Variants in PREX2 observed in about 807,000 individuals in gnomAD.
PREX2 encodes the protein phosphatidylinositol-3,4,5-trisphosphate dependent Rac exchange factor 2, also known as phosphatidylinositol 3,4,5-trisphosphate-dependent Rac exchanger 2 protein.
In PREX2, 107 loss-of-function variants were observed where a neutral mutation model predicts 203.2. The ratio of observed to expected loss-of-function variants is 0.53; its 90% CI spans 0.45 to 0.62. PREX2 has a LOEUF of 0.62. Among genes scored for constraint, PREX2 ranks in the 20% least tolerant of loss-of-function variants. The pLI, the probability that PREX2 is intolerant of heterozygous loss-of-function variation, is 0.00. For synonymous variants in PREX2, 672 were observed against 663.6 expected, an observed-to-expected ratio of 1.01 and a Z score of -0.19; for missense variants, 1,777 against 1,955.9, an observed-to-expected ratio of 0.91 and a Z score of 1.72.
intron 35 of PREX2, among the ~76,000 whole-genome samples, chr8:68,187,907 G>C (rs543978999): frequency 2.3e-3 from 344 of 152,296 alleles, no homozygotes; most frequent in Non-Finnish European, 3.5e-3. Flanking sequence ...GTGGACAGAG[G>C]GGGCTGGGAC....
At chr8:68,062,737 T>G (rs1435914188) in intron 11 of PREX2, among the ~76,000 whole-genome samples, 1 of 142,290 alleles carries the variant, frequency 7.0e-6, no homozygotes, top group Non-Finnish European at 1.5e-5. Context: ...GTGATTCCAA[T>G]GTCCTATTTT....
chr8:68,041,753 G>A (rs1474373867), intron 7 of PREX2, among the ~76,000 whole-genome samples: 1 of 151,944 alleles, frequency 6.6e-6, no homozygotes, highest in South Asian at 2.1e-4. Context: ...GTGTTTTAGT[G>A]CAATTATTAA....
At chr8:68,129,197 A>G (rs537934231) in intron 31 of PREX2, among the ~76,000 whole-genome samples, 1 of 152,338 alleles carries the variant, frequency 6.6e-6, no homozygotes, top group African/African-American at 2.4e-5. Flanking sequence ...AGGCATATTG[A>G]TGCCTTATTG....
chr8:67,976,758 CAG>C (rs538917016), intron 1 of PREX2, among the ~76,000 whole-genome samples: 6,285 of 73,354 alleles, frequency 0.086, 824 homozygotes, highest in African/African-American at 0.21. Flanking sequence ...GCGAGAGAGA[CAG>C]AGAGAGAGAG....
intron 1 of PREX2, among the ~76,000 whole-genome samples, chr8:67,983,453 T>G (rs1044994004): frequency 2.0e-5 from 3 of 152,222 alleles, no homozygotes; most frequent in African/African-American, 4.8e-5. Flanking sequence ...GTTATCAGAA[T>G]AGCCTCCTAA....
chr8:68,080,563 A>G lies in PREX2; in HGVS notation c.1763A>G (p.Asn588Ser). ...LMKHDLKVVE[N>S]VIAKSLLIKS... The stretch of plus-strand genomic sequence containing the variant: ...AAACATGACTTAAAAGTTGTGGAAA[A>G]TGTTATAGCTAAGTCATTATTGGTA... Residue 588 changes from asparagine (N) to serine (S), a missense_variant, in exon 16 of 40, where the codon AAT becomes AGT. Physicochemically the swap from Asn to Ser is conservative, Grantham distance 46. Coordinates refer to ENST00000288368, the MANE Select transcript of PREX2 (RefSeq NM_024870.4). 2.5e-6 allele frequency: 4 copies of G among 1,606,790 alleles called. No homozygotes were observed. Among genetic ancestry groups the G allele is most frequent in the Non-Finnish European group, 3.4e-6 (4 of 1,174,446 alleles).
chr8:68,100,992 G>A (rs145378307), intron 23 of PREX2, among the ~76,000 whole-genome samples: 40 of 152,128 alleles, frequency 2.6e-4, no homozygotes, highest in African/African-American at 9.6e-4. Context: ...TAGAATTAAT[G>A]GGAATTCATC....
intron 32 of PREX2, among the ~76,000 whole-genome samples, chr8:68,136,254 C>T (rs548221038): frequency 2.7e-5 from 4 of 149,140 alleles, no homozygotes; most frequent in African/African-American, 4.9e-5. Context: ...CTCAATGAAG[C>T]GGTGTGGTTT....
chr8:68,092,315 A>T (rs1809900956), intron 20 of PREX2, among the ~76,000 whole-genome samples: 1 of 152,228 alleles, frequency 6.6e-6, no homozygotes, highest in Admixed American at 6.5e-5. Flanking sequence ...GGGCACCAAG[A>T]TGTAATGGAA....
In PREX2 at chr8:68,207,427, G is replaced by C. The variant is rs540713372; in HGVS notation, c.4605-10189G>C. On this transcript the variant is annotated intron_variant, in intron 37 of 39. Transcript: ENST00000288368. ...AAATAAATAAATCTAGTCTTTTAGGGGCATGGATATAATATCATTGGCACA... is the reference window on the plus strand; with the variant it reads ...AAATAAATAAATCTAGTCTTTTAGGCGCATGGATATAATATCATTGGCACA... Among the ~76,000 whole-genome samples the C allele has an allele frequency of 2.8e-3, 432 of 151,998 alleles. 4 individuals carry two copies. Among genetic ancestry groups the C allele is most frequent in the African/African-American group, 0.01 (425 of 41,462 alleles).
intron 4 of PREX2, among the ~76,000 whole-genome samples, chr8:68,025,166 G>T (rs999493314): frequency 6.6e-6 from 1 of 151,726 alleles, no homozygotes; most frequent in Admixed American, 6.6e-5. Context: ...TTGTAAGTCA[G>T]TTCTACTAGC....
intron 39 of PREX2, 111 bp from the exon 40 acceptor site, chr8:68,231,222 A>G: frequency 1.4e-6 from 1 of 715,274 alleles, no homozygotes; most frequent in Non-Finnish European, 2.1e-6. Context: ...CAATCCGATC[A>G]TGACTCACGA....
chr8:68,211,892 G>A lies in PREX2; in HGVS notation c.4605-5724G>A, dbSNP rs1812749094. ...CCTTTGAAAATGTTGCCACTGGAAA[G>A]CAACTGAAGATGCTTTGAATACAGT... is the stretch of plus-strand genomic sequence containing the variant. On this transcript the variant is annotated intron_variant, in intron 37 of 39. Coordinates refer to ENST00000288368, the MANE Select transcript of PREX2 (RefSeq NM_024870.4). 2.0e-5 allele frequency among the ~76,000 whole-genome samples: 3 copies of A among 152,206 alleles called. No homozygotes were observed. In the South Asian group the frequency reaches 6.2e-4, roughly 31 times the overall value.
At chr8:68,151,310 G>A (rs529374713) in intron 34 of PREX2, among the ~76,000 whole-genome samples, 5 of 151,990 alleles carry the variant, frequency 3.3e-5, no homozygotes, top group East Asian at 1.9e-4. Context: ...CTACGTATTC[G>A]GGAGACTGAG....
intron 31 of PREX2, among the ~76,000 whole-genome samples, 180 bp from the exon 32 acceptor site, chr8:68,133,879 T>A (rs1404927381): frequency 2.0e-5 from 3 of 152,244 alleles, no homozygotes; most frequent in Non-Finnish European, 4.4e-5. Context: ...GTGTTTAGTG[T>A]TTTCTGTAAA....
chr8:67,986,282 A>G (rs999690050), intron 1 of PREX2, among the ~76,000 whole-genome samples: 7 of 152,366 alleles, frequency 4.6e-5, no homozygotes, highest in African/African-American at 1.7e-4. Context: ...ACTCAGGTAC[A>G]GAGAAATTAG....
At chr8:68,212,885 A>G (rs904236144) in intron 37 of PREX2, among the ~76,000 whole-genome samples, 1 of 152,224 alleles carries the variant, frequency 6.6e-6, no homozygotes, top group Non-Finnish European at 1.5e-5. Flanking sequence ...TTTCTTTAGC[A>G]TATGAACCAT....
At chr8:68,168,516 G>T (rs181372207) in intron 35 of PREX2, among the ~76,000 whole-genome samples, 7 of 152,282 alleles carry the variant, frequency 4.6e-5, no homozygotes, top group African/African-American at 9.6e-5. Flanking sequence ...TACAAATTAG[G>T]TGCCTTTGTC....
chr8:68,200,222 T>C (rs968379587), intron 37 of PREX2, among the ~76,000 whole-genome samples: 9 of 152,236 alleles, frequency 5.9e-5, no homozygotes, highest in Non-Finnish European at 1.2e-4. Context: ...ATAAAATATA[T>C]GCTTTAATTT....
Sources: allele counts gnomAD v4.1 joint callset (sites outside exome capture counted in the v4.1 genomes callset), GRCh38; gene constraint gnomAD v4.1.1; transcripts MANE v1.5; gene names NCBI Gene and HGNC (gene_info 2026-07-23, HGNC 2026-07-21).